The following RANBP2 variants were observed in gnomAD, a reference collection of about 807,000 sequenced individuals.
RANBP2 encodes E3 SUMO-protein ligase RanBP2.
Under a neutral mutation model 303.6 loss-of-function variants are expected in RANBP2, and 57 were observed. That is an observed-to-expected ratio of 0.19 (90% confidence interval 0.15 to 0.23). RANBP2 has a LOEUF of 0.23. Ranked by LOEUF, RANBP2 falls within the 10% of genes least tolerant of loss-of-function variation. The probability of loss-of-function intolerance (pLI) is 1.00; values close to 1 mark genes in which losing one functional copy is unlikely to be tolerated. For missense variants in RANBP2, 3,138 were observed against 3,780.8 expected (o/e 0.83, Z 4.46); for synonymous variants, 1,167 against 1,301.5 (o/e 0.90, Z 2.23).
At chr2:108,952,760 G>C in the RANBP2 span, among the ~76,000 whole-genome samples, 11 of 152,026 alleles carry the variant, frequency 7.2e-5, no homozygotes, top group South Asian at 1.7e-3. Context: ...CTATTTCTTC[G>C]TATGTGTGGT....
At chr2:109,420,437 T>TTTTTG in the RANBP2 span, among the ~76,000 whole-genome samples, 6 of 152,022 alleles carry the variant, frequency 3.9e-5, no homozygotes, top group Non-Finnish European at 5.9e-5. Context: ...GTTGTTGTTG[T>TTTTTG]TTTTGTTTTG....
In RANBP2 at chr2:108,785,593, T is replaced by G. The variant is rs1311030674; in HGVS notation, c.*1692T>G. 2 of 152,208 alleles carry G rather than the reference T, an allele frequency of 1.3e-5. No homozygotes were observed. Among genetic ancestry groups the G allele is most frequent in the African/African-American group, 4.8e-5 (2 of 41,452 alleles). 9.4% of individuals were successfully genotyped at this position (152,208 alleles called of 1,614,324 possible). A position where few individuals can be genotyped will look rare whatever the true frequency, so the allele number is the denominator to read the frequency against. ...TGACAAAATGACATGTAAACTGACT[T>G]TTCCCGTATTAGTATTCCAAAGATG... On this transcript the variant is annotated 3_prime_UTR_variant, in exon 29 of 29. Transcript: ENST00000283195.
chr2:109,614,029 G>T, the RANBP2 span: 10 of 1,207,396 alleles, frequency 8.3e-6, no homozygotes, highest in African/African-American at 1.6e-5. Context: ...CCTGTGGTGC[G>T]CGCTGAGCGT....
intron 3 of RANBP2, 43 bp downstream of exon 3, chr2:108,730,928 C>T: frequency 1.2e-6 from 2 of 1,605,734 alleles, no homozygotes; most frequent in Non-Finnish European, 8.5e-7. Flanking sequence ...TAGCCAAACA[C>T]ATGATGCCCA....
At chr2:109,180,394 G>A in the RANBP2 span, among the ~76,000 whole-genome samples, 1 of 152,170 alleles carries the variant, frequency 6.6e-6, no homozygotes, top group East Asian at 1.9e-4. Context: ...CTTCACAGCA[G>A]GTACACAGAG....
intron 23 of RANBP2, among the ~76,000 whole-genome samples, chr2:108,773,629 T>C (rs1323796603): frequency 2.0e-5 from 3 of 149,614 alleles, no homozygotes; most frequent in East Asian, 1.9e-4. Context: ...ACAACACCAG[T>C]CAAAACCCCT....
At chr2:109,129,915 C>G in the RANBP2 span, 2 of 1,502,418 alleles carry the variant, frequency 1.3e-6, no homozygotes, top group Non-Finnish European at 1.8e-6. Context: ...GTCAGCGGCC[C>G]CGCGCGGGCA....
At chr2:108,913,495 G>A in the RANBP2 span, among the ~76,000 whole-genome samples, 1 of 151,504 alleles carries the variant, frequency 6.6e-6, no homozygotes, top group Non-Finnish European at 1.5e-5. Context: ...AGTCATAAAA[G>A]TAATATATGC....
At chr2:108,779,715 G>C (rs1437352354) in intron 25 of RANBP2, among the ~76,000 whole-genome samples, 2 of 152,198 alleles carry the variant, frequency 1.3e-5, no homozygotes, top group East Asian at 3.9e-4. Flanking sequence ...ATGGGATGGA[G>C]AAGTTTCTAG....
At chr2:109,664,935 A>C in the RANBP2 span, among the ~76,000 whole-genome samples, 1 of 152,112 alleles carries the variant, frequency 6.6e-6, no homozygotes, top group Non-Finnish European at 1.5e-5. Context: ...TGTCTAAAAA[A>C]AAAAACCAAA....
chr2:109,603,798 G>A, the RANBP2 span, among the ~76,000 whole-genome samples: 4 of 152,212 alleles, frequency 2.6e-5, no homozygotes, highest in South Asian at 8.3e-4. Flanking sequence ...AGACAAGACA[G>A]GTTGGGCGTG....
chr2:108,936,710 G>A, the RANBP2 span, among the ~76,000 whole-genome samples: 1 of 152,216 alleles, frequency 6.6e-6, no homozygotes, highest in Non-Finnish European at 1.5e-5. Context: ...TCCATTTGAT[G>A]TGATTTACAG....
chr2:109,712,183 G>A, the RANBP2 span, among the ~76,000 whole-genome samples: 1 of 152,174 alleles, frequency 6.6e-6, no homozygotes. Flanking sequence ...CCCTTCCCCA[G>A]TGAGCTCAGG....
chr2:108,934,420 T>C, the RANBP2 span, among the ~76,000 whole-genome samples: 2 of 152,160 alleles, frequency 1.3e-5, no homozygotes, highest in African/African-American at 2.4e-5. Flanking sequence ...TGCTGGGGTA[T>C]GAGACCAAGG....
At chr2:109,585,741 C>T in the RANBP2 span, 1 of 1,613,084 alleles carries the variant, frequency 6.2e-7, no homozygotes, top group Non-Finnish European at 8.5e-7. Flanking sequence ...AATATTAAAG[C>T]AGAAACCTTG....
chr2:109,354,793 A>T, the RANBP2 span, among the ~76,000 whole-genome samples: 2 of 152,346 alleles, frequency 1.3e-5, no homozygotes, highest in Admixed American at 6.5e-5. Context: ...CCTTCTCCCC[A>T]GGTGGAAGTG....
the RANBP2 span, among the ~76,000 whole-genome samples, chr2:109,658,863 G>A: frequency 6.6e-6 from 1 of 151,986 alleles, no homozygotes; most frequent in African/African-American, 2.4e-5. Context: ...TCAGGAGTTC[G>A]AGACTAGCCT....
chr2:109,456,776 C>T, the RANBP2 span, among the ~76,000 whole-genome samples: 1 of 152,196 alleles, frequency 6.6e-6, no homozygotes, highest in African/African-American at 2.4e-5. Flanking sequence ...GGCCACACAA[C>T]GAGTAGGGCA....
chr2:109,429,497 C>T, the RANBP2 span, among the ~76,000 whole-genome samples: 1 of 152,176 alleles, frequency 6.6e-6, no homozygotes, highest in Non-Finnish European at 1.5e-5. Flanking sequence ...TGCCCTGGTG[C>T]ACGTCAGGGC....
Sources: allele counts gnomAD v4.1 joint callset (sites outside exome capture counted in the v4.1 genomes callset), GRCh38; gene constraint gnomAD v4.1.1; transcripts MANE v1.5; gene names NCBI Gene and HGNC (gene_info 2026-07-23, HGNC 2026-07-21).